CDKN2A: variants seen among roughly 807,000 people sequenced by gnomAD.
The protein encoded by CDKN2A is cyclin dependent kinase inhibitor 2A.
Under a neutral mutation model 11.1 loss-of-function variants are expected in CDKN2A, and 3 were observed. That is an observed-to-expected ratio of 0.27 (90% CI 0.12 to 0.70). CDKN2A has a LOEUF of 0.70. Ranked by LOEUF, CDKN2A falls within the 30% of genes least tolerant of loss-of-function variation. CDKN2A has a pLI of 0.77. For missense variants in CDKN2A, 265 were observed against 233.6 expected (o/e 1.13, Z -0.88); for synonymous variants, 122 against 108.1 (o/e 1.13, Z -0.80).
At chr9:21,993,814 T>G (rs1195486039) in intron 2 of CDKN2A, 51 of 437,518 alleles carry the variant, frequency 1.2e-4, no homozygotes, top group Non-Finnish European at 1.9e-4. Flanking sequence ...TGTGTGTGTG[T>G]GTGTGTGTGT....
chr9:21,970,381 G>A, intron 2 of CDKN2A: 1 of 278,348 alleles, frequency 3.6e-6, no homozygotes, highest in Non-Finnish European at 6.8e-6. Context: ...CGCATAAAGC[G>A]GAGGGTCAGA....
chr9:21,991,578 T>C lies in CDKN2A; in HGVS notation c.-4+2304A>G, dbSNP rs1431472892. ...CTATAAAAAAGTATTTTTGATACCA[T>C]TTGTATCACTTTAGTAATAGGAGTT... On this transcript the variant is annotated intron_variant, in intron 2 of 3. Coordinates refer to the CDKN2A transcript ENST00000494262. This position sits in a 1 kb window ranked among gnomAD's most constrained non-coding sequence, Gnocchi z 5.2. 7 of 832,064 alleles carry C rather than the reference T, an allele frequency of 8.4e-6. No individual in the cohort carries two copies. Among genetic ancestry groups the C allele is most frequent in the Non-Finnish European group, 1.0e-5 (7 of 690,134 alleles). 51.5% of individuals were successfully genotyped at this position (832,064 alleles called of 1,614,324 possible).
rs1057132177 is a variant in CDKN2A, at chr9:21,968,618, G to C, written c.458-376C>G. 24 of 1,509,300 alleles carry C rather than the reference G, an allele frequency of 1.6e-5. No individual in the cohort carries two copies. Among genetic ancestry groups the C allele is most frequent in the Non-Finnish European group, 1.9e-5 (22 of 1,133,524 alleles). The allele number at this position is 1,509,300 out of a possible 1,614,324, so 93.5% of individuals were successfully genotyped here. A position where few individuals can be genotyped will look rare whatever the true frequency, so the allele number is the denominator to read the frequency against. On this transcript the variant is annotated intron_variant, in intron 2 of 2. Coordinates refer to ENST00000304494, the MANE Select transcript of CDKN2A (RefSeq NM_000077.5). The surrounding 1 kb of genome is among the most constrained non-coding windows in gnomAD (Gnocchi z 4.7). ...GTGAAGATGTGGCCTTTCCCTTCCC[G>C]CATCCCCAGGCATCTTTTGCACCTG...
Position 21,968,628 on chromosome 9 carries a change from G to T in CDKN2A, c.458-386C>A, listed in dbSNP as rs1819527223. 2 of 1,518,636 alleles carry T rather than the reference G, an allele frequency of 1.3e-6. No individual in the cohort carries two copies. The highest frequency in any genetic ancestry group is 2.8e-5 in the African/African-American group (2 of 72,412). 94.1% of individuals were successfully genotyped at this position (1,518,636 alleles called of 1,614,324 possible). A position where few individuals can be genotyped will look rare whatever the true frequency, so the allele number is the denominator to read the frequency against. ...GGCCTTTCCCTTCCCGCATCCCCAG[G>T]CATCTTTTGCACCTGGTGCGGAGTG... On this transcript the variant is annotated intron_variant, in intron 2 of 2. Transcript: ENST00000304494. This position sits in a 1 kb window ranked among gnomAD's most constrained non-coding sequence, Gnocchi z 4.7.
chr9:21,973,770 A>G (rs1378969222), intron 1 of CDKN2A, among the ~76,000 whole-genome samples: 2 of 152,274 alleles, frequency 1.3e-5, no homozygotes, highest in East Asian at 1.9e-4. Context: ...CTCTGGAATG[A>G]TCACATGAAT....
chr9:21,984,196 C>T (rs1413125996), intron 2 of CDKN2A, among the ~76,000 whole-genome samples: 1 of 151,956 alleles, frequency 6.6e-6, no homozygotes. Context: ...AAATTCTCTT[C>T]TAAAAGGTAT....
intron 2 of CDKN2A, among the ~76,000 whole-genome samples, chr9:21,983,515 A>G (rs1820241360): frequency 6.6e-6 from 1 of 152,100 alleles, no homozygotes; most frequent in African/African-American, 2.4e-5. Flanking sequence ...CCCTGTTGTC[A>G]GATATTTAAG....
intron 2 of CDKN2A, among the ~76,000 whole-genome samples, chr9:21,986,789 ATTCAAC>A (rs997337009): frequency 6.6e-6 from 1 of 152,230 alleles, no homozygotes; most frequent in African/African-American, 2.4e-5. Context: ...AATATAATAT[ATTCAAC>A]TTCAACTATT....
intron 2 of CDKN2A, among the ~76,000 whole-genome samples, chr9:21,987,067 A>C (rs1342256934): frequency 6.6e-6 from 1 of 152,078 alleles, no homozygotes; most frequent in African/African-American, 2.4e-5. Flanking sequence ...TATTAGACAA[A>C]TTTTAGCTTA....
chr9:21,978,146 T>A (rs1048550932), upstream of CDKN2A, among the ~76,000 whole-genome samples: 5 of 149,452 alleles, frequency 3.3e-5, no homozygotes, highest in Non-Finnish European at 4.5e-5. Flanking sequence ...AGGGATAGCA[T>A]TAGGAGATAT....
Position 21,971,044 on chromosome 9 carries a change from G to A in CDKN2A, c.315C>T (p.Asp105=), listed in dbSNP as rs763269347. 5.6e-6 allele frequency: 9 copies of A among 1,605,624 alleles called. 1 individual carries two copies. Among genetic ancestry groups the A allele is most frequent in the South Asian group, 5.5e-5 (5 of 90,934 alleles). The part of the protein sequence containing the change: ...VVLHRAGARL[D]VRDAWGRLPV... ...GCAGACGGCCCCAGGCATCGCGCAC[G>A]TCCAGCCGCGCCCCGGCCCGGTGCA... is the stretch of plus-strand genomic sequence containing the variant. The change falls in exon 2 of 3, where the codon GAC becomes GAT. Residue 105 remains aspartate (D), a synonymous_variant. Transcript: ENST00000304494.
chr9:21,968,333 C>A lies in CDKN2A; in HGVS notation c.458-91G>T. On this transcript the variant is annotated intron_variant, in intron 2 of 2. Transcript: ENST00000304494. The surrounding 1 kb of genome is among the most constrained non-coding windows in gnomAD (Gnocchi z 4.7). Reference sequence around the variant, plus strand: ...CCTCCTCTCTTGCCGTCCCTACCGGCATTGAAATACTTATGGATAAAGTTC... The same window carrying A: ...CCTCCTCTCTTGCCGTCCCTACCGGAATTGAAATACTTATGGATAAAGTTC... The A allele has an allele frequency of 6.5e-7, 1 of 1,549,680 alleles. No individual in the cohort carries two copies. Among genetic ancestry groups the A allele is most frequent in the East Asian group, 2.3e-5 (1 of 44,422 alleles).
At chr9:21,975,404 C>T (rs1819998142), upstream of CDKN2A, among the ~76,000 whole-genome samples, 1 of 152,072 alleles carries the variant, frequency 6.6e-6, no homozygotes, top group African/African-American at 2.4e-5. Flanking sequence ...CAAAACTATT[C>T]TTTCCTAGTT....
chr9:21,968,306 G>A lies in CDKN2A; in HGVS notation c.458-64C>T, dbSNP rs1350684774. On this transcript the variant is annotated intron_variant, in intron 2 of 2. Transcript: ENST00000304494. This position sits in a 1 kb window ranked among gnomAD's most constrained non-coding sequence, Gnocchi z 4.7. ...AGGTCAAAGATGTGTGGCACATCCCGCCCTCCTCTCTTGCCGTCCCTACCG... is the reference window on the plus strand; with the variant it reads ...AGGTCAAAGATGTGTGGCACATCCCACCCTCCTCTCTTGCCGTCCCTACCG... The A allele has an allele frequency of 8.2e-6, 13 of 1,582,638 alleles. No individual in the cohort carries two copies. Among genetic ancestry groups the A allele is most frequent in the Non-Finnish European group, 9.5e-6 (11 of 1,152,426 alleles).
Position 21,974,397 on chromosome 9 carries a change from A to C in CDKN2A, c.150+281T>G. 1.3e-6 allele frequency: 2 copies of C among 1,586,180 alleles called. No individual in the cohort carries two copies. The highest frequency in any genetic ancestry group is 1.1e-5 in the South Asian group (1 of 89,366). ...TTCGTAAATTTTGTATCTGATAAAG[A>C]GCATACTTCCATCTAATACAAATAT... On this transcript the variant is annotated intron_variant, in intron 1 of 2. Coordinates refer to ENST00000304494, the MANE Select transcript of CDKN2A (RefSeq NM_000077.5). This position sits in a 1 kb window ranked among gnomAD's most constrained non-coding sequence, Gnocchi z 5.2.
intron 2 of CDKN2A, among the ~76,000 whole-genome samples, chr9:21,992,838 TA>T (rs146011023): frequency 0.028 from 4,311 of 151,868 alleles, 196 homozygotes; most frequent in African/African-American, 0.096. Context: ...AAACCACTGT[TA>T]AAAAAAACAA....
intron 2 of CDKN2A, among the ~76,000 whole-genome samples, chr9:21,985,280 G>A (rs1820275106): frequency 6.6e-6 from 1 of 151,892 alleles, no homozygotes; most frequent in Non-Finnish European, 1.5e-5. Context: ...TTAGCCTTAA[G>A]AAAGCATACT....
Position 21,988,191 on chromosome 9 carries a change from C to T in CDKN2A, c.-4+5691G>A, listed in dbSNP as rs1326435233. On this transcript the variant is annotated intron_variant, in intron 2 of 3. Transcript: ENST00000494262. The surrounding 1 kb of genome is among the most constrained non-coding windows in gnomAD (Gnocchi z 4.1). ...ACTTTTCTCTCTTAAAAAAATCCTACTGCCTTCACAACCATTTAAATAATT... is the reference window on the plus strand; with the variant it reads ...ACTTTTCTCTCTTAAAAAAATCCTATTGCCTTCACAACCATTTAAATAATT... Among the ~76,000 whole-genome samples the T allele has an allele frequency of 6.6e-6, 1 of 152,142 alleles. No individual in the cohort carries two copies. The highest frequency in any genetic ancestry group is 1.5e-5 in the Non-Finnish European group (1 of 68,026).
At chr9:21,990,106 G>C (rs1276555562) in intron 2 of CDKN2A, among the ~76,000 whole-genome samples, 2 of 152,036 alleles carry the variant, frequency 1.3e-5, no homozygotes, top group Non-Finnish European at 2.9e-5. Context: ...CTCCGGAGGC[G>C]GCGAGACCTG....
Sources: gnomAD v4.1 joint callset for allele counts (sites outside exome capture counted in the v4.1 genomes callset) on GRCh38, gnomAD v4.1.1 for gene constraint, Gnocchi (gnomAD v3.1) non-coding constraint, MANE v1.5 for transcripts, NCBI Gene and HGNC (gene_info 2026-07-23, HGNC 2026-07-21) for gene names.